Variants in TNS1 observed in about 807,000 individuals in gnomAD.
The protein encoded by TNS1 is tensin-1.
In TNS1, 62 loss-of-function variants were observed where a neutral mutation model predicts 168.6. The observed-to-expected ratio is 0.37, with a 90% CI of 0.30 to 0.45. The LOEUF (loss-of-function observed/expected upper bound fraction) is 0.45, where lower values mean the gene tolerates loss of function less well. Ranked by LOEUF, TNS1 falls within the 20% of genes least tolerant of loss-of-function variation. The pLI is 1.00. For synonymous variants in TNS1, 934 were observed against 933.2 expected (o/e 1.00, Z -0.02); for missense variants, 2,240 against 2,339.4 (o/e 0.96, Z 0.88).
At chr2:217,981,781 G>A (rs142076740) in intron 2 of TNS1, among the ~76,000 whole-genome samples, 176 of 152,304 alleles carry the variant, frequency 1.2e-3, no homozygotes, top group African/African-American at 3.8e-3. Context: ...GGGGCAGTAT[G>A]TCCTCCTCTC....
intron 18 of TNS1, among the ~76,000 whole-genome samples, chr2:217,877,573 C>T (rs1950304717): frequency 6.6e-6 from 1 of 152,186 alleles, no homozygotes; most frequent in African/African-American, 2.4e-5. Context: ...GCCACCTGAG[C>T]CTGAGAAGTC....
chr2:217,954,514 AT>A (rs1957313879), intron 3 of TNS1, among the ~76,000 whole-genome samples: 1 of 152,168 alleles, frequency 6.6e-6, no homozygotes, highest in African/African-American at 2.4e-5. Context: ...GATTATCACC[AT>A]GATAAACAGG....
At chr2:217,968,819 C>T (rs930100057) in intron 3 of TNS1, among the ~76,000 whole-genome samples, 6 of 152,122 alleles carry the variant, frequency 3.9e-5, no homozygotes, top group African/African-American at 1.4e-4. Flanking sequence ...GTCAGCCTCC[C>T]GAGTAGCTGG....
chr2:217,904,229 G>A (rs945825071), intron 6 of TNS1, among the ~76,000 whole-genome samples: 2 of 152,136 alleles, frequency 1.3e-5, no homozygotes, highest in African/African-American at 4.8e-5. Flanking sequence ...GTGCGACACA[G>A]CACACTATCC....
chr2:217,910,707 T>TACACACAC (rs1954281558), intron 4 of TNS1, among the ~76,000 whole-genome samples: 1 of 60,154 alleles, frequency 1.7e-5, no homozygotes, highest in African/African-American at 7.1e-5. Flanking sequence ...AGCTACCACA[T>TACACACAC]ACACATACAC....
At chr2:217,964,768 CT>C (rs770341892) in intron 3 of TNS1, among the ~76,000 whole-genome samples, 6 of 152,234 alleles carry the variant, frequency 3.9e-5, no homozygotes, top group Non-Finnish European at 7.3e-5. Flanking sequence ...CCAGACACCC[CT>C]GGACACCCTC....
At chr2:217,878,092 C>T (rs994945827) in intron 18 of TNS1, among the ~76,000 whole-genome samples, 4 of 152,230 alleles carry the variant, frequency 2.6e-5, no homozygotes, top group East Asian at 1.9e-4. Context: ...CCTGAGTGAG[C>T]GGCCCACACT....
intron 21 of TNS1, among the ~76,000 whole-genome samples, chr2:217,832,953 CAT>C (rs913920073): frequency 2.0e-5 from 3 of 152,168 alleles, no homozygotes; most frequent in Admixed American, 6.5e-5. Flanking sequence ...CACACACACA[CAT>C]AGACACACAC....
In TNS1 at chr2:217,814,967, C is replaced by A. The variant is rs754781771; in HGVS notation, c.4674G>T (p.Lys1558Asn). The change falls in exon 25 of 33, where the codon AAG (lysine) becomes AAT (asparagine). Residue 1558 changes from lysine (K) to asparagine (N), a missense_variant. Physicochemically the swap from Lys to Asn is moderately conservative, Grantham distance 94. Around this residue, in one of 2 missense-constraint regions of TNS1, gnomAD observed 2,131 missense variants for 2,171.2 expected, o/e 0.98. Transcript: ENST00000682258. ...AATACTTAGAAGTGTCCTGGACAAA[C>A]TTCACTTTAGCCCGCGTCTCCGGGC... ...DNSPETRAKVKFVQDTSKYWY... is the reference protein window; with the variant it reads ...DNSPETRAKVNFVQDTSKYWY... 3 of 1,613,656 alleles carry A rather than the reference C, an allele frequency of 1.9e-6. No individual in the cohort carries two copies. The highest frequency in any genetic ancestry group is 2.5e-6 in the Non-Finnish European group (3 of 1,179,850).
chr2:217,831,620 G>A (rs914869467), intron 21 of TNS1, 73 bp from the exon 22 acceptor site: 10 of 1,265,314 alleles, frequency 7.9e-6, no homozygotes, highest in East Asian at 3.0e-5. Flanking sequence ...AGGCACGTGA[G>A]GGCACGCTTA....
intron 1 of TNS1, among the ~76,000 whole-genome samples, chr2:218,024,712 C>T (rs1958837933): frequency 6.6e-6 from 1 of 152,152 alleles, no homozygotes; most frequent in African/African-American, 2.4e-5. Flanking sequence ...GTGAAGCTGC[C>T]CATCCTCCCG....
In TNS1 at chr2:217,818,082, C is replaced by T. The variant is rs1314849677; in HGVS notation, c.4250G>A (p.Gly1417Asp). The T allele has an allele frequency of 4.3e-6, 7 of 1,613,004 alleles. No homozygotes were observed. The highest frequency in any genetic ancestry group is 5.9e-6 in the Non-Finnish European group (7 of 1,179,630). Residue 1417 changes from glycine to aspartate, a missense_variant, in exon 24 of 33, where the codon GGC becomes GAC. Coordinates refer to ENST00000682258, the MANE Select transcript of TNS1 (RefSeq NM_001387777.1). Reference sequence around the variant, plus strand: ...CACATGCCGGTCCAAGCAGGGGCTGCCGGGAACCACAGATCCAGACCCTCC... The same window carrying T: ...CACATGCCGGTCCAAGCAGGGGCTGTCGGGAACCACAGATCCAGACCCTCC... ...HLGGSGSVVPGSPCLDRHVAY... is the reference protein window; with the variant it reads ...HLGGSGSVVPDSPCLDRHVAY...
In TNS1 at chr2:217,818,516, C is replaced by G; in HGVS notation, c.3816G>C (p.Val1272=). The G allele has an allele frequency of 6.2e-7, 1 of 1,614,242 alleles. No individual in the cohort carries two copies. The highest frequency in any genetic ancestry group is 8.5e-7 in the Non-Finnish European group (1 of 1,180,046). Residue 1272 remains valine (V), a synonymous_variant, in exon 24 of 33, where the codon GTG becomes GTC. Coordinates refer to ENST00000682258, the MANE Select transcript of TNS1 (RefSeq NM_001387777.1). Reference sequence around the variant, plus strand: ...TCCCAGGCACCGTGTGGACGCCAGCCACACTGAACTGAGCTCGAGCCTGGC... The same window carrying G: ...TCCCAGGCACCGTGTGGACGCCAGCGACACTGAACTGAGCTCGAGCCTGGC... The part of the protein sequence containing the change: ...PESQARAQFS[V]AGVHTVPGSP...
At position 217,848,633 on chromosome 2, in the gene TNS1, A is replaced by G. The variant is rs1947031826; in HGVS notation, c.1884T>C (p.Asp628=). Residue 628 remains aspartate (D), a synonymous_variant, in exon 19 of 33, where the codon GAT becomes GAC. Coordinates refer to ENST00000682258, the MANE Select transcript of TNS1 (RefSeq NM_001387777.1). ...ASERETDILD[D]ELPNQDGHSA... is the part of the protein sequence containing the mutation. ...TGTGACCATCCTGGTTTGGCAATTCATCGTCCAGGATGTCTGTCTCCCGCT... is the reference window on the plus strand; with the variant it reads ...TGTGACCATCCTGGTTTGGCAATTCGTCGTCCAGGATGTCTGTCTCCCGCT... 6.2e-7 allele frequency: 1 copy of G among 1,614,210 alleles called. No homozygotes were observed. The highest frequency in any genetic ancestry group is 8.5e-7 in the Non-Finnish European group (1 of 1,180,026).
chr2:217,958,003 T>TCACACACACACACACACACACA (rs57381974), intron 3 of TNS1, among the ~76,000 whole-genome samples: 2,679 of 145,738 alleles, frequency 0.018, 89 homozygotes, highest in African/African-American at 0.064. Flanking sequence ...AATAAAGAAT[T>TCACACACACACACACACACACA]CACACACACA....
intron 19 of TNS1, chr2:217,841,267 T>C: frequency 2.0e-6 from 2 of 985,058 alleles, no homozygotes; most frequent in Non-Finnish European, 2.4e-6. Flanking sequence ...TCCGATGCCC[T>C]GCAGCCTGGC....
chr2:217,800,350 G>A lies in TNS1; in HGVS notation c.*4109C>T, dbSNP rs13454. 0.019 allele frequency: 2,889 copies of A among 152,280 alleles called. 42 individuals carry two copies. The highest frequency in any genetic ancestry group is 0.039 in the South Asian group (187 of 4,822). The allele number at this position is 152,280 out of a possible 1,614,324, so 9.4% of individuals were successfully genotyped here. A position where few individuals can be genotyped will look rare whatever the true frequency, so the allele number is the denominator to read the frequency against. On this transcript the variant is annotated 3_prime_UTR_variant, in exon 33 of 33. Coordinates refer to ENST00000682258, the MANE Select transcript of TNS1 (RefSeq NM_001387777.1). ...GCCAAGAGGGACAGATCTGCCCGAGGCCCCCACCCTGCCCCTCTGGGTGAA... is the reference window on the plus strand; with the variant it reads ...GCCAAGAGGGACAGATCTGCCCGAGACCCCCACCCTGCCCCTCTGGGTGAA...
At chr2:217,902,119 A>T (rs1452167269) in intron 6 of TNS1, 1 of 152,154 alleles carries the variant, frequency 6.6e-6, no homozygotes, top group African/African-American at 2.4e-5. Context: ...GGAGTCAACG[A>T]GTGACTGTGT....
intron 11 of TNS1, among the ~76,000 whole-genome samples, chr2:217,892,395 C>T (rs1244393113): frequency 1.3e-5 from 2 of 152,252 alleles, no homozygotes; most frequent in Non-Finnish European, 2.9e-5. Context: ...AGCCACTGCG[C>T]CCAGCCATAT....
Sources: allele counts gnomAD v4.1 joint callset (sites outside exome capture counted in the v4.1 genomes callset), GRCh38; gene constraint gnomAD v4.1.1; regional missense constraint gnomAD v4.1.1; transcripts MANE v1.5; gene names NCBI Gene and HGNC (gene_info 2026-07-23, HGNC 2026-07-21).